The following GFM2 variants were observed in gnomAD, a reference collection of about 807,000 sequenced individuals.
The protein encoded by GFM2 is ribosome-releasing factor 2, mitochondrial.
Under a neutral mutation model 95.4 loss-of-function variants are expected in GFM2, and 72 were observed. That is an observed-to-expected ratio of 0.76 (90% CI 0.62 to 0.92). The LOEUF (loss-of-function observed/expected upper bound fraction) is 0.92. Among genes scored for constraint, GFM2 ranks in the 40% least tolerant of loss-of-function variants. The pLI is 0.00. For synonymous variants in GFM2, 276 were observed against 317.5 expected (o/e 0.87, Z 1.39); for missense variants, 825 against 924.1 (o/e 0.89, Z 1.39).
chr5:74,723,663 A>G (rs918303497), intron 19 of GFM2, among the ~76,000 whole-genome samples: 6 of 152,146 alleles, frequency 3.9e-5, no homozygotes, highest in African/African-American at 1.4e-4. Flanking sequence ...TAGTTTTTAA[A>G]GTTTTCTCTA....
intron 15 of GFM2, among the ~76,000 whole-genome samples, chr5:74,734,476 C>T (rs1285839678): frequency 6.6e-6 from 1 of 152,036 alleles, no homozygotes; most frequent in South Asian, 2.1e-4. Context: ...TGCCTGGAGT[C>T]TGACAGAAAT....
At chr5:74,730,580 G>T in intron 16 of GFM2, 182 bp from the exon 17 acceptor site, 1 of 417,200 alleles carries the variant, frequency 2.4e-6, no homozygotes, top group East Asian at 3.6e-5. Context: ...CTGGAATAAT[G>T]AATCAATAAA....
chr5:74,745,157 A>T (rs1351439488), intron 10 of GFM2, among the ~76,000 whole-genome samples: 1 of 152,006 alleles, frequency 6.6e-6, no homozygotes, highest in Non-Finnish European at 1.5e-5. Context: ...GGCCAACATG[A>T]TGAAACCCCA....
chr5:74,742,502 C>G (rs1743162255), intron 10 of GFM2, among the ~76,000 whole-genome samples: 1 of 152,220 alleles, frequency 6.6e-6, no homozygotes, highest in South Asian at 2.1e-4. Flanking sequence ...TTAAATAATT[C>G]AAATTATGCT....
chr5:74,747,264 C>G (rs1280005625), intron 8 of GFM2, among the ~76,000 whole-genome samples: 6 of 152,264 alleles, frequency 3.9e-5, no homozygotes, highest in African/African-American at 1.2e-4. Context: ...CAGTATCTTA[C>G]CCAGTAGCTA....
chr5:74,741,519 T>C lies in GFM2; in HGVS notation c.930+10A>G. On this transcript the variant is annotated intron_variant, in intron 11 of 20. Transcript: ENST00000296805. Reference sequence around the variant, plus strand: ...AAATTTTGTGAAAGCCATTGAATAATAAAATTTACCTTTTCAGCTGGTAAC... The same window carrying C: ...AAATTTTGTGAAAGCCATTGAATAACAAAATTTACCTTTTCAGCTGGTAAC... The C allele has an allele frequency of 8.7e-6, 12 of 1,378,696 alleles. No homozygotes were observed. Among genetic ancestry groups the C allele is most frequent in the Non-Finnish European group, 1.2e-5 (12 of 979,380 alleles). 85.4% of individuals were successfully genotyped at this position (1,378,696 alleles called of 1,614,324 possible).
intron 5 of GFM2, among the ~76,000 whole-genome samples, chr5:74,753,035 A>G (rs997399761): frequency 6.6e-6 from 1 of 152,188 alleles, no homozygotes; most frequent in Admixed American, 6.5e-5. Context: ...ACACTAGCTC[A>G]CCAGCAATGA....
chr5:74,739,950 A>G (rs1743030002), intron 12 of GFM2, 39 bp downstream of exon 12: 1 of 1,370,000 alleles, frequency 7.3e-7, no homozygotes, highest in Non-Finnish European at 9.6e-7. Flanking sequence ...TTGTTTCTTC[A>G]AAGCTATAGA....
At chr5:74,738,464 G>T (rs375996126) in intron 13 of GFM2, 38 bp downstream of exon 13, 21 of 1,610,218 alleles carry the variant, frequency 1.3e-5, no homozygotes, top group Non-Finnish European at 1.8e-5. Flanking sequence ...TTAAAGAAGT[G>T]CATACAGTTT....
At position 74,721,531 on chromosome 5, in the gene GFM2, A is replaced by G. The variant is rs1749877778; in HGVS notation, c.*124T>C. On this transcript the variant is annotated 3_prime_UTR_variant, in exon 21 of 21. Coordinates refer to ENST00000296805, the MANE Select transcript of GFM2 (RefSeq NM_032380.5). ...TATCAAAGCTTAAGTTATATCTTTT[A>G]TCTAGTTCTCTGAATGTACTGAAAC... 2 of 1,058,686 alleles carry G rather than the reference A, an allele frequency of 1.9e-6. No homozygotes were observed. Among genetic ancestry groups the G allele is most frequent in the Admixed American group, 2.1e-5 (1 of 46,992 alleles). The allele number at this position is 1,058,686 out of a possible 1,614,324, so 65.6% of individuals were successfully genotyped here. A position where few individuals can be genotyped will look rare whatever the true frequency, so the allele number is the denominator to read the frequency against.
At chr5:74,757,249 G>T (rs951247615) in intron 5 of GFM2, among the ~76,000 whole-genome samples, 5 of 151,958 alleles carry the variant, frequency 3.3e-5, no homozygotes, top group Admixed American at 2.0e-4. Flanking sequence ...ATTCTATGTG[G>T]GTTCTATTTT....
Position 74,727,149 on chromosome 5 carries a change from C to T in GFM2, c.1727-1023G>A, listed in dbSNP as rs187367212. 3.0e-3 allele frequency among the ~76,000 whole-genome samples: 453 copies of T among 152,156 alleles called. 1 individual carries two copies. Among genetic ancestry groups the T allele is most frequent in the African/African-American group, 0.011 (438 of 41,496 alleles). On this transcript the variant is annotated intron_variant, in intron 17 of 20. Coordinates refer to ENST00000296805, the MANE Select transcript of GFM2 (RefSeq NM_032380.5). ...TGCCATTGTATGCCAGCCTGCTCAA[C>T]AGAGCAAGACATTGTCTCAATATAT...
chr5:74,740,230 C>T, intron 11 of GFM2, 93 bp from the exon 12 acceptor site: 1 of 954,106 alleles, frequency 1.0e-6, no homozygotes. Flanking sequence ...AGCCATGTAA[C>T]CAGCACTCCT....
chr5:74,734,585 T>C (rs1013391098), intron 15 of GFM2, among the ~76,000 whole-genome samples: 1 of 152,182 alleles, frequency 6.6e-6, no homozygotes, highest in African/African-American at 2.4e-5. Context: ...GGCATTATTG[T>C]AGATAATATT....
chr5:74,746,720 T>C (rs923353622), intron 8 of GFM2, among the ~76,000 whole-genome samples: 6 of 152,132 alleles, frequency 3.9e-5, no homozygotes, highest in South Asian at 4.1e-4. Flanking sequence ...TCCGGTCCCA[T>C]TGTTTTTCAG....
chr5:74,751,254 T>C (rs1743689791), intron 6 of GFM2, 114 bp downstream of exon 6: 2 of 997,410 alleles, frequency 2.0e-6, no homozygotes, highest in Admixed American at 2.4e-5. Flanking sequence ...GTTGAGATGG[T>C]AAATTTTGCA....
At chr5:74,747,635 T>C in intron 8 of GFM2, 57 bp downstream of exon 8, 1 of 1,023,306 alleles carries the variant, frequency 9.8e-7, no homozygotes. Context: ...TTATAGTTCA[T>C]TAAAAGCTCA....
At chr5:74,750,535 A>T (rs199843112) in intron 7 of GFM2, 44 bp downstream of exon 7, 1 of 1,391,776 alleles carries the variant, frequency 7.2e-7, no homozygotes, top group Middle Eastern at 1.8e-4. Context: ...CTTTTTAAAA[A>T]ATCATGCTGT....
At chr5:74,734,861 C>G (rs1415382682) in intron 15 of GFM2, among the ~76,000 whole-genome samples, 1 of 152,108 alleles carries the variant, frequency 6.6e-6, no homozygotes, top group African/African-American at 2.4e-5. Context: ...GACCCCTGAG[C>G]TAATGCCCAT....
Sources: gnomAD v4.1 joint callset for allele counts (sites outside exome capture counted in the v4.1 genomes callset) on GRCh38, gnomAD v4.1.1 for gene constraint, MANE v1.5 for transcripts, NCBI Gene and HGNC (gene_info 2026-07-23, HGNC 2026-07-21) for gene names.